The following NWD2 variants were observed in gnomAD, a reference collection of about 807,000 sequenced individuals.
NWD2 encodes NACHT and WD repeat domain containing 2.
In NWD2, 37 loss-of-function variants were observed where a neutral mutation model predicts 132.7. The ratio of observed to expected loss-of-function variants is 0.28; its 90% CI spans 0.21 to 0.37. The LOEUF is 0.37. Among genes scored for constraint, NWD2 ranks in the 10% least tolerant of loss-of-function variants. NWD2 has a pLI of 1.00. For missense variants in NWD2, 1,592 were observed against 2,122.4 expected (o/e 0.75, Z 4.91); for synonymous variants, 705 against 803.0 (o/e 0.88, Z 2.06).
intron 4 of NWD2, among the ~76,000 whole-genome samples, chr4:37,431,573 T>C (rs764580908): frequency 7.9e-5 from 12 of 152,178 alleles, no homozygotes; most frequent in Non-Finnish European, 1.8e-4. Context: ...ATGGTGTCTA[T>C]AGTTAATTAT....
At position 37,446,227 on chromosome 4, in the gene NWD2, C is replaced by A. The variant is rs755182507; in HGVS notation, c.4239C>A (p.Val1413=). ...TTACACACAATGACCAGTTTGTGGT[C>A]TCGCTCTGTGAGGAAAATGCCTCCA... is the stretch of plus-strand genomic sequence containing the variant. ...LLITHNDQFV[V]SLCEENASRV... The change falls in exon 7 of 7, where the codon GTC becomes GTA. Residue 1413 remains valine, a synonymous_variant. Transcript: ENST00000309447. The surrounding 1 kb of genome is among the most constrained non-coding windows in gnomAD (Gnocchi z 6.7). The A allele has an allele frequency of 1.9e-6, 3 of 1,551,712 alleles. No homozygotes were observed. Among genetic ancestry groups the A allele is most frequent in the South Asian group, 1.2e-5 (1 of 84,056 alleles).
intron 1 of NWD2, among the ~76,000 whole-genome samples, chr4:37,297,968 C>G (rs949756982): frequency 2.6e-5 from 4 of 152,082 alleles, no homozygotes; most frequent in African/African-American, 7.2e-5. Flanking sequence ...AGGAACACCC[C>G]TAGGTTGAAC....
intron 2 of NWD2, among the ~76,000 whole-genome samples, chr4:37,342,416 C>T (rs1425372798): frequency 6.6e-6 from 1 of 152,138 alleles, no homozygotes; most frequent in Non-Finnish European, 1.5e-5. Context: ...CCAAATAAGC[C>T]TCTTTTCTTT....
chr4:37,246,699 T>A (rs1717251520), intron 1 of NWD2, among the ~76,000 whole-genome samples: 1 of 152,244 alleles, frequency 6.6e-6, no homozygotes, highest in Non-Finnish European at 1.5e-5. Flanking sequence ...AGAATTATGT[T>A]AGAAAATGTT....
At chr4:37,388,163 C>T (rs1021550263) in intron 3 of NWD2, among the ~76,000 whole-genome samples, 5 of 151,950 alleles carry the variant, frequency 3.3e-5, no homozygotes, top group African/African-American at 1.2e-4. Context: ...AAAGTGCTTG[C>T]TACATAGTAA....
intron 2 of NWD2, among the ~76,000 whole-genome samples, chr4:37,333,498 C>T (rs774900548): frequency 4.6e-5 from 7 of 152,174 alleles, no homozygotes; most frequent in Non-Finnish European, 8.8e-5. Context: ...AGAAGAGCCA[C>T]GTGTTACTGG....
chr4:37,253,591 T>G (rs147739605), intron 1 of NWD2, among the ~76,000 whole-genome samples: 1 of 152,116 alleles, frequency 6.6e-6, no homozygotes. Context: ...GCCCATTACC[T>G]CATATAAAGA....
intron 1 of NWD2, among the ~76,000 whole-genome samples, chr4:37,246,721 C>A (rs1032613966): frequency 6.6e-6 from 1 of 152,154 alleles, no homozygotes; most frequent in African/African-American, 2.4e-5. Flanking sequence ...AAATGTTAGA[C>A]ATTTTTAGTT....
intron 3 of NWD2, among the ~76,000 whole-genome samples, chr4:37,409,616 G>A (rs1215434220): frequency 6.6e-6 from 1 of 152,142 alleles, no homozygotes; most frequent in Non-Finnish European, 1.5e-5. Context: ...CCCCAAAGTA[G>A]CAAGGCAAGC....
chr4:37,440,514 G>A (rs1220082558), intron 6 of NWD2, among the ~76,000 whole-genome samples: 1 of 152,100 alleles, frequency 6.6e-6, no homozygotes, highest in Non-Finnish European at 1.5e-5. Context: ...GCTGTAGGGG[G>A]CATTCTATAG....
intron 4 of NWD2, 99 bp from the exon 5 acceptor site, chr4:37,433,777 C>A: frequency 1.2e-6 from 1 of 850,118 alleles, no homozygotes; most frequent in Non-Finnish European, 1.8e-6. Context: ...ATAGTATTGG[C>A]ACATAGTAGG....
intron 1 of NWD2, among the ~76,000 whole-genome samples, chr4:37,284,218 A>G (rs929966719): frequency 6.6e-6 from 1 of 152,178 alleles, no homozygotes; most frequent in Non-Finnish European, 1.5e-5. Flanking sequence ...TAGGTGGCAC[A>G]TGGTAGTTGC....
At chr4:37,378,210 C>T (rs1020701447) in intron 3 of NWD2, among the ~76,000 whole-genome samples, 4 of 152,190 alleles carry the variant, frequency 2.6e-5, no homozygotes, top group Non-Finnish European at 5.9e-5. Flanking sequence ...CTGCCAACAA[C>T]CACTTCACAA....
chr4:37,308,605 TG>T (rs1296026603), intron 1 of NWD2, among the ~76,000 whole-genome samples: 2 of 151,156 alleles, frequency 1.3e-5, no homozygotes, highest in African/African-American at 4.9e-5. Flanking sequence ...AGCTGGAGAG[TG>T]TGGTTGCTGG....
chr4:37,263,287 A>AT (rs563994752), intron 1 of NWD2, among the ~76,000 whole-genome samples: 109 of 152,086 alleles, frequency 7.2e-4, no homozygotes, highest in African/African-American at 2.4e-3. Context: ...CATACTGACT[A>AT]TTTTTTTTAT....
At chr4:37,318,503 G>A (rs1404974223) in intron 1 of NWD2, among the ~76,000 whole-genome samples, 1 of 152,102 alleles carries the variant, frequency 6.6e-6, no homozygotes, top group Non-Finnish European at 1.5e-5. Flanking sequence ...TATATTTCAT[G>A]ATGCTGAGGT....
At chr4:37,354,794 A>G (rs1043787926) in intron 2 of NWD2, among the ~76,000 whole-genome samples, 2 of 152,240 alleles carry the variant, frequency 1.3e-5, no homozygotes, top group Non-Finnish European at 2.9e-5. Flanking sequence ...GTGGCAGGAT[A>G]TTAATTTACC....
chr4:37,416,362 T>C (rs1711599427), intron 3 of NWD2, among the ~76,000 whole-genome samples: 1 of 152,044 alleles, frequency 6.6e-6, no homozygotes, highest in Non-Finnish European at 1.5e-5. Context: ...ACATAAAATA[T>C]ATAAATATAC....
At chr4:37,414,278 G>T (rs75371957) in intron 3 of NWD2, among the ~76,000 whole-genome samples, 1 of 152,014 alleles carries the variant, frequency 6.6e-6, no homozygotes, top group Non-Finnish European at 1.5e-5. Context: ...TTGATAGTTG[G>T]TAAAGCTGGT....
Sources: allele counts gnomAD v4.1 joint callset (sites outside exome capture counted in the v4.1 genomes callset), GRCh38; gene constraint gnomAD v4.1.1; non-coding constraint Gnocchi (gnomAD v3.1); transcripts MANE v1.5; gene names NCBI Gene and HGNC (gene_info 2026-07-23, HGNC 2026-07-21).